Variants in IL1R1 observed in about 807,000 individuals in gnomAD.
IL1R1 encodes the protein interleukin-1 receptor type 1.
IL1R1 carries 22 observed loss-of-function variants against 50.2 expected under a neutral mutation model. The observed-to-expected ratio is 0.44, with a 90% CI of 0.31 to 0.63. The LOEUF (loss-of-function observed/expected upper bound fraction) is 0.63. Among genes scored for constraint, IL1R1 ranks in the 20% least tolerant of loss-of-function variants. The probability of loss-of-function intolerance (pLI) is 0.07; values close to 1 mark genes in which losing one functional copy is unlikely to be tolerated. For synonymous variants in IL1R1, 251 were observed against 236.7 expected (o/e 1.06, Z -0.55); for missense variants, 509 against 676.2 (o/e 0.75, Z 2.74).
intron 1 of IL1R1, among the ~76,000 whole-genome samples, chr2:102,078,603 A>ACG (rs1679080335): frequency 8.7e-6 from 1 of 115,148 alleles, no homozygotes. Context: ...CACACACAAG[A>ACG]AAAAAAAAAG....
chr2:102,106,481 T>C (rs1030087687), intron 1 of IL1R1, among the ~76,000 whole-genome samples: 1 of 152,200 alleles, frequency 6.6e-6, no homozygotes, highest in East Asian at 1.9e-4. Flanking sequence ...CACAAGACTG[T>C]TAGTTTACTT....
In IL1R1 at chr2:102,132,118, A is replaced by G. The variant is rs139180182; in HGVS notation, c.-83-21823A>G. Among the ~76,000 whole-genome samples, 554 of 152,070 alleles carry G rather than the reference A, an allele frequency of 3.6e-3. 3 individuals are homozygous for G. Among genetic ancestry groups the G allele is most frequent in the African/African-American group, 0.013 (522 of 41,466 alleles). On this transcript the variant is annotated intron_variant, in intron 1 of 10. Coordinates refer to the IL1R1 transcript ENST00000409329. ...AATATCTTTCAAAAACAAAGACACA[A>G]TAAAGCCATTTCAGATATATAAAAG...
At chr2:102,078,601 A>ACACACGC (rs1159929134) in intron 1 of IL1R1, among the ~76,000 whole-genome samples, 1 of 133,402 alleles carries the variant, frequency 7.5e-6, no homozygotes, top group Non-Finnish European at 1.6e-5. Context: ...CACACACACA[A>ACACACGC]GAAAAAAAAA....
intron 1 of IL1R1, among the ~76,000 whole-genome samples, chr2:102,124,824 G>A (rs911858644): frequency 7.9e-5 from 12 of 151,986 alleles, no homozygotes; most frequent in Admixed American, 5.2e-4. Context: ...GCTGAGGCAG[G>A]AGAATCACTT....
At chr2:102,176,252 T>A (rs1686123284) in intron 11 of IL1R1, 101 bp from the exon 12 acceptor site, 8 of 910,956 alleles carry the variant, frequency 8.8e-6, no homozygotes, top group Non-Finnish European at 1.3e-5. Flanking sequence ...AAAAAGGCAT[T>A]AGGAGCCATA....
chr2:102,101,368 G>A (rs1283424402), upstream of IL1R1, among the ~76,000 whole-genome samples: 2 of 152,200 alleles, frequency 1.3e-5, no homozygotes, highest in African/African-American at 2.4e-5. Context: ...CCAGGTTGGT[G>A]TCTCTCTAAT....
rs564482790 is a variant in IL1R1, at chr2:102,091,121, G to C, written c.-84+20588G>C. Among the ~76,000 whole-genome samples, 50 of 152,300 alleles carry C rather than the reference G, an allele frequency of 3.3e-4. No homozygotes were observed. The South Asian group carries it at 0.01, about 31-fold the overall frequency. ...TTCCAAAAAAATTGTGGGAGAACCA[G>C]ATATACCCTCCAGAGATTCACAGCC... On this transcript the variant is annotated intron_variant, in intron 1 of 11. Transcript: ENST00000409929.
chr2:102,094,424 C>G (rs1424244439), intron 1 of IL1R1, among the ~76,000 whole-genome samples: 1 of 152,136 alleles, frequency 6.6e-6, no homozygotes, highest in Non-Finnish European at 1.5e-5. Context: ...TCATCTTTGT[C>G]AAAGTTTTAA....
In IL1R1 at chr2:102,175,581, G is replaced by T. The variant is rs1346611022; in HGVS notation, c.1239G>T (p.Glu413Asp). The T allele has an allele frequency of 1.9e-6, 3 of 1,613,930 alleles. No homozygotes were observed. The highest frequency in any genetic ancestry group is 1.7e-6 in the Non-Finnish European group (2 of 1,179,968). ...TTTTTGTGTTTAAAGTCTTGCCTGA[G>T]GTCTTGGAAAAACAGTGTGGATATA... is the stretch of plus-strand genomic sequence containing the variant. ...CDIFVFKVLP[E>D]VLEKQCGYKL... is the part of the protein sequence containing the mutation. The change falls in exon 11 of 12, where the codon GAG becomes GAT. Residue 413 changes from glutamate (E) to aspartate (D), a missense_variant. Transcript: ENST00000410023.
upstream of IL1R1, among the ~76,000 whole-genome samples, chr2:102,100,221 A>G (rs1441774465): frequency 6.6e-6 from 1 of 152,130 alleles, no homozygotes; most frequent in African/African-American, 2.4e-5. Flanking sequence ...CCTTTGGAAA[A>G]TGTATTCCTT....
intron 1 of IL1R1, among the ~76,000 whole-genome samples, chr2:102,095,992 AC>A (rs1559459203): frequency 9.2e-5 from 14 of 152,202 alleles, no homozygotes; most frequent in African/African-American, 3.1e-4. Context: ...ATATAGCCAG[AC>A]TCTGTCTCAA....
intron 7 of IL1R1, among the ~76,000 whole-genome samples, chr2:102,168,956 T>C (rs1412072178): frequency 1.3e-5 from 2 of 151,766 alleles, no homozygotes; most frequent in Admixed American, 1.3e-4. Context: ...TGCCATTGAC[T>C]GGTACAGGAT....
chr2:102,175,737 G>A (rs1218201468), intron 11 of IL1R1, 92 bp downstream of exon 11: 14 of 1,193,154 alleles, frequency 1.2e-5, no homozygotes, highest in Non-Finnish European at 1.5e-5. Flanking sequence ...CGTGGCATAG[G>A]GGTATATGTT....
intron 1 of IL1R1, among the ~76,000 whole-genome samples, chr2:102,135,335 A>G (rs1682286586): frequency 6.6e-6 from 1 of 152,178 alleles, no homozygotes; most frequent in African/African-American, 2.4e-5. Context: ...GCATTGATCG[A>G]GTTGCCTATG....
chr2:102,140,285 G>A (rs1330288105), upstream of IL1R1, among the ~76,000 whole-genome samples: 1 of 152,140 alleles, frequency 6.6e-6, no homozygotes, highest in Non-Finnish European at 1.5e-5. Flanking sequence ...TTATTTTTCA[G>A]GCATTGGATT....
In IL1R1 at chr2:102,149,044, A is replaced by C. The variant is rs1196504395; in HGVS notation, c.-83-4897A>C. 2.0e-5 allele frequency among the ~76,000 whole-genome samples: 3 copies of C among 152,190 alleles called. No individual in the cohort carries two copies. The South Asian group carries it at 6.2e-4, about 32-fold the overall frequency. ...CAGTACTGTAACACATTCCCCGTACATGTTTCCACCGATTTTCAGTAGAAC... is the reference window on the plus strand; with the variant it reads ...CAGTACTGTAACACATTCCCCGTACCTGTTTCCACCGATTTTCAGTAGAAC... On this transcript the variant is annotated intron_variant, in intron 1 of 11. Transcript: ENST00000410023.
At chr2:102,125,660 G>A (rs1681671617) in intron 1 of IL1R1, among the ~76,000 whole-genome samples, 2 of 152,190 alleles carry the variant, frequency 1.3e-5, no homozygotes, top group Non-Finnish European at 2.9e-5. Context: ...AGCTGACATG[G>A]TTAGGTGAAG....
At chr2:102,073,412 T>C (rs1471246750) in intron 1 of IL1R1, among the ~76,000 whole-genome samples, 2 of 152,170 alleles carry the variant, frequency 1.3e-5, no homozygotes, top group Admixed American at 1.3e-4. Context: ...AGAGAGGCCA[T>C]GGCCCCTGCA....
At chr2:102,112,161 G>A (rs1261563476) in intron 1 of IL1R1, among the ~76,000 whole-genome samples, 4 of 152,056 alleles carry the variant, frequency 2.6e-5, no homozygotes, top group Admixed American at 2.6e-4. Context: ...CAGTCTTAGG[G>A]TCTTGGTGGC....
Sources: allele counts gnomAD v4.1 joint callset (sites outside exome capture counted in the v4.1 genomes callset), GRCh38; gene constraint gnomAD v4.1.1; transcripts MANE v1.5; gene names NCBI Gene and HGNC (gene_info 2026-07-23, HGNC 2026-07-21).